MROH2B: variants seen among roughly 807,000 people sequenced by gnomAD.
The protein encoded by MROH2B is maestro heat-like repeat-containing protein family member 2B.
In MROH2B, 177 loss-of-function variants were observed where a neutral mutation model predicts 208.6. The ratio of observed to expected loss-of-function variants is 0.85; its 90% CI spans 0.75 to 0.96. MROH2B has a LOEUF of 0.96. MROH2B is among the 40% of genes least tolerant of loss of function. The pLI is 0.00. For synonymous variants in MROH2B, 728 were observed against 659.0 expected (o/e 1.10, Z -1.60); for missense variants, 2,002 against 1,878.7 (o/e 1.07, Z -1.21).
chr5:41,053,182 G>A lies in MROH2B; in HGVS notation c.1108-595C>T, dbSNP rs182116304. 1.6e-3 allele frequency among the ~76,000 whole-genome samples: 247 copies of A among 152,304 alleles called. 1 individual carries two copies. Among genetic ancestry groups the A allele is most frequent in the South Asian group, 8.5e-3 (41 of 4,830 alleles). On this transcript the variant is annotated intron_variant, in intron 11 of 41. Transcript: ENST00000399564. ...ACAACTGTTTATTCACAATTTCAGAGTCCAAACAACTATGAAAACTGGATT... is the reference window on the plus strand; with the variant it reads ...ACAACTGTTTATTCACAATTTCAGAATCCAAACAACTATGAAAACTGGATT...
chr5:41,018,364 T>G lies in MROH2B; in HGVS notation c.2740A>C (p.Lys914Gln). ...ACCTCAATATCATTTGTCAGCACTT[T>G]CGCAGTGATCTGGAAGGCTCTTTCT... The part of the protein sequence containing the change: ...ERERAFQITA[K>Q]VLTNDIEAPE... Residue 914 changes from lysine to glutamine, a missense_variant, in exon 27 of 42, where the codon AAA becomes CAA. By Grantham distance (53) the Lys-to-Gln change is moderately conservative. Coordinates refer to ENST00000399564, the MANE Select transcript of MROH2B (RefSeq NM_173489.5). 6.2e-7 allele frequency: 1 copy of G among 1,613,248 alleles called. No homozygotes were observed. The highest frequency in any genetic ancestry group is 8.5e-7 in the Non-Finnish European group (1 of 1,179,698).
At position 41,050,732 on chromosome 5, in the gene MROH2B, A is replaced by G. The variant is rs544461269; in HGVS notation, c.1344+245T>C. Among the ~76,000 whole-genome samples the G allele has an allele frequency of 1.6e-4, 24 of 152,282 alleles. No individual in the cohort carries two copies. In the South Asian group the frequency reaches 5.0e-3, roughly 32 times the overall value. ...ATTAGAGGAAGAAGAGAAATAGTAT[A>G]TTAATATTATATATATAAATTGTCA... On this transcript the variant is annotated intron_variant, in intron 13 of 41. Coordinates refer to ENST00000399564, the MANE Select transcript of MROH2B (RefSeq NM_173489.5).
intron 19 of MROH2B, 146 bp downstream of exon 19, chr5:41,041,946 G>T: frequency 2.3e-6 from 1 of 427,322 alleles, no homozygotes; most frequent in East Asian, 3.7e-5. Context: ...TAACTTTTCC[G>T]AAAAATTCTG....
intron 28 of MROH2B, among the ~76,000 whole-genome samples, chr5:41,016,459 A>G (rs968565444): frequency 3.5e-5 from 5 of 143,920 alleles, no homozygotes; most frequent in African/African-American, 1.3e-4. Context: ...CTTTCTTCCT[A>G]TGAGTTCCCT....
intron 29 of MROH2B, 127 bp from the exon 30 acceptor site, chr5:41,012,862 G>T: frequency 8.5e-7 from 1 of 1,176,440 alleles, no homozygotes; most frequent in Non-Finnish European, 1.2e-6. Flanking sequence ...TTTTGATTGA[G>T]GCCACAGAAA....
chr5:41,012,407 G>C (rs772099747), intron 30 of MROH2B, among the ~76,000 whole-genome samples, 176 bp downstream of exon 30: 29 of 152,230 alleles, frequency 1.9e-4, no homozygotes, highest in Non-Finnish European at 3.8e-4. Flanking sequence ...AATTGAGACA[G>C]GTCCTCAACG....
chr5:41,044,875 T>A (rs1305906251), intron 18 of MROH2B, among the ~76,000 whole-genome samples: 4 of 152,218 alleles, frequency 2.6e-5, no homozygotes, highest in African/African-American at 9.6e-5. Context: ...GCTACTTTTA[T>A]ATGGAGCACA....
At chr5:41,010,671 CTG>C (rs1223519491) in intron 30 of MROH2B, among the ~76,000 whole-genome samples, 15 of 152,300 alleles carry the variant, frequency 9.8e-5, no homozygotes, top group Non-Finnish European at 1.9e-4. Context: ...TGCAACCACT[CTG>C]TATGATCTTA....
intron 29 of MROH2B, 119 bp downstream of exon 29, chr5:41,015,262 A>G: frequency 3.7e-6 from 3 of 813,404 alleles, no homozygotes; most frequent in Non-Finnish European, 5.8e-6. Context: ...AAATGACAGG[A>G]CCACGGGTCC....
chr5:41,010,571 AG>A (rs1261713724), intron 30 of MROH2B, among the ~76,000 whole-genome samples: 1 of 152,236 alleles, frequency 6.6e-6, no homozygotes, highest in Admixed American at 6.5e-5. Flanking sequence ...ATGGTGGGAA[AG>A]GGCATCCTTG....
In MROH2B at chr5:41,039,433, G is replaced by A. The variant is rs201024858; in HGVS notation, c.2061+15C>T. ...CTTGCAATACTGAGAATTTGAAGGAGATGATTCTTCTTACCTTACATCGAT... is the reference window on the plus strand; with the variant it reads ...CTTGCAATACTGAGAATTTGAAGGAAATGATTCTTCTTACCTTACATCGAT... On this transcript the variant is annotated intron_variant, in intron 20 of 41. Transcript: ENST00000399564. 25 of 1,474,864 alleles carry A rather than the reference G, an allele frequency of 1.7e-5. No homozygotes were observed. The African/African-American group carries it at 2.9e-4, about 17-fold the overall frequency. The allele number at this position is 1,474,864 out of a possible 1,614,324, so 91.4% of individuals were successfully genotyped here.
At chr5:41,065,303 G>A (rs1743766842) in intron 4 of MROH2B, 28 bp downstream of exon 4, 2 of 1,583,340 alleles carry the variant, frequency 1.3e-6, no homozygotes, top group Admixed American at 1.8e-5. Flanking sequence ...CATTTCCCAG[G>A]GAAAATTGGA....
rs1489312176 is a variant in MROH2B, at chr5:41,049,095, A to T, written c.1542+6T>A. ...GTTCTACTTTGGTTCTTAGTAACTC[A>T]CTCACCAGAAGTCTGGCCAGTAGCT... On this transcript the variant is annotated splice_donor_region_variant and intron_variant, in intron 15 of 41. Coordinates refer to ENST00000399564, the MANE Select transcript of MROH2B (RefSeq NM_173489.5). 14 of 1,593,052 alleles carry T rather than the reference A, an allele frequency of 8.8e-6. No homozygotes were observed. Among genetic ancestry groups the T allele is most frequent in the Non-Finnish European group, 1.2e-5 (14 of 1,168,624 alleles).
chr5:41,071,156 G>C lies in MROH2B; in HGVS notation c.-304C>G, dbSNP rs1050302883. ...TTTGGTGACCAGAGTATTTGGGAAA[G>C]AAGTAATTAGAGACTGGGATTCAAA... On this transcript the variant is annotated 5_prime_UTR_variant, in exon 1 of 42. Coordinates refer to ENST00000399564, the MANE Select transcript of MROH2B (RefSeq NM_173489.5). 1 of 321,268 alleles carries C rather than the reference G, an allele frequency of 3.1e-6. No homozygotes were observed. The highest frequency in any genetic ancestry group is 5.8e-6 in the Non-Finnish European group (1 of 173,824). The allele number at this position is 321,268 out of a possible 1,614,324, so 19.9% of individuals were successfully genotyped here.
In MROH2B at chr5:41,033,853, C is replaced by G; in HGVS notation, c.2226G>C (p.Met742Ile). The G allele has an allele frequency of 1.3e-6, 2 of 1,546,618 alleles. No individual in the cohort carries two copies. Among genetic ancestry groups the G allele is most frequent in the Non-Finnish European group, 1.7e-6 (2 of 1,143,234 alleles). The change falls in exon 22 of 42, where the codon ATG becomes ATC. Residue 742 changes from methionine to isoleucine, a missense_variant. Transcript: ENST00000399564. ...LHGQCSQVLG[M>I]SVMNKDMDLQ... The stretch of plus-strand genomic sequence containing the variant: ...TCTCTCCTACCTTGTTCATCACAGA[C>G]ATGCCCAGAACCTAAAAAAAATCAA...
At chr5:41,027,239 G>C (rs184362599) in intron 24 of MROH2B, among the ~76,000 whole-genome samples, 1 of 152,154 alleles carries the variant, frequency 6.6e-6, no homozygotes. Context: ...ACTACCATCA[G>C]AGTGAACAGA....
In MROH2B at chr5:41,004,773, C is replaced by T; in HGVS notation, c.4011+1G>A. On this transcript the variant is annotated splice_donor_variant, in intron 36 of 41. Coordinates refer to ENST00000399564, the MANE Select transcript of MROH2B (RefSeq NM_173489.5). LOFTEE classifies it high-confidence loss of function. ...CCATTTCCCCTTAAAACGCCTTTTA[C>T]CTTGTGAGGAGCCCCGGATGCTGTG... 9 of 1,612,302 alleles carry T rather than the reference C, an allele frequency of 5.6e-6. No individual in the cohort carries two copies. Among genetic ancestry groups the T allele is most frequent in the Non-Finnish European group, 7.6e-6 (9 of 1,179,486 alleles).
chr5:41,056,212 C>T (rs1238295853), intron 9 of MROH2B, among the ~76,000 whole-genome samples: 1 of 152,034 alleles, frequency 6.6e-6, no homozygotes, highest in Non-Finnish European at 1.5e-5. Context: ...GTGAGAACAC[C>T]ATGTGAAGAT....
At chr5:41,005,899 T>C (rs1234648013) in intron 34 of MROH2B, among the ~76,000 whole-genome samples, 1 of 151,470 alleles carries the variant, frequency 6.6e-6, no homozygotes, top group Non-Finnish European at 1.5e-5. Flanking sequence ...GGCATGGTGG[T>C]GTGCTCCTGT....
Sources: gnomAD v4.1 joint callset for allele counts (sites outside exome capture counted in the v4.1 genomes callset) on GRCh38, gnomAD v4.1.1 for gene constraint, MANE v1.5 for transcripts, NCBI Gene and HGNC (gene_info 2026-07-23, HGNC 2026-07-21) for gene names.